SNX9: variants seen among roughly 807,000 people sequenced by gnomAD.
SNX9 encodes sorting nexin 9.
Under a neutral mutation model 89.4 loss-of-function variants are expected in SNX9, and 44 were observed. The ratio of observed to expected loss-of-function variants is 0.49; its 90% confidence interval spans 0.39 to 0.63. SNX9 has a LOEUF of 0.63. Among genes scored for constraint, SNX9 ranks in the 30% least tolerant of loss-of-function variants. SNX9 has a pLI of 0.00. For missense variants in SNX9, 578 were observed against 736.1 expected (o/e 0.79, Z 2.49); for synonymous variants, 236 against 247.8 (o/e 0.95, Z 0.45).
intron 1 of SNX9, among the ~76,000 whole-genome samples, chr6:157,826,927 G>A: frequency 1.1e-5 from 1 of 88,048 alleles, no homozygotes; most frequent in Non-Finnish European, 2.0e-5. Flanking sequence ...ATATATTATA[G>A]TTTATATAAT....
At chr6:157,833,231 T>C (rs1181523387) in intron 1 of SNX9, among the ~76,000 whole-genome samples, 1 of 152,204 alleles carries the variant, frequency 6.6e-6, no homozygotes, top group East Asian at 1.9e-4. Flanking sequence ...TTTTAGTTTG[T>C]TTTATAGTCT....
At chr6:157,831,145 A>G (rs1285774352) in intron 1 of SNX9, among the ~76,000 whole-genome samples, 1 of 152,222 alleles carries the variant, frequency 6.6e-6, no homozygotes, top group Non-Finnish European at 1.5e-5. Flanking sequence ...TAATCTCAGA[A>G]GTCTGATTCA....
intron 1 of SNX9, among the ~76,000 whole-genome samples, chr6:157,824,489 A>G (rs1167785379): frequency 6.6e-6 from 1 of 152,220 alleles, no homozygotes; most frequent in Non-Finnish European, 1.5e-5. Context: ...TCTCTGAGCT[A>G]CTTTTGGGTT....
chr6:157,920,059 C>G (rs768521987), intron 9 of SNX9, among the ~76,000 whole-genome samples: 8 of 152,134 alleles, frequency 5.3e-5, no homozygotes, highest in Non-Finnish European at 1.0e-4. Flanking sequence ...AGAGGTTGTA[C>G]CCAACCACCT....
chr6:157,928,634 A>T lies in SNX9; in HGVS notation c.1220A>T (p.Lys407Met), dbSNP rs1286781640. Residue 407 changes from lysine to methionine, a missense_variant, in exon 12 of 18, where the codon AAG becomes ATG. Physicochemically the swap from Lys to Met is moderately conservative, Grantham distance 95. This residue lies in a region of SNX9 where 348 missense variants were observed against 491.4 expected (regional missense o/e 0.71). Coordinates refer to ENST00000392185, the MANE Select transcript of SNX9 (RefSeq NM_016224.5). The stretch of plus-strand genomic sequence containing the variant: ...TGCGAGGCTGTGGGGAAGTTCACCA[A>T]GGCCATGGATGACGGCGTGAAGGAG... ...QKCEAVGKFT[K>M]AMDDGVKELL... The T allele has an allele frequency of 6.2e-7, 1 of 1,611,466 alleles. No individual in the cohort carries two copies. Among genetic ancestry groups the T allele is most frequent in the Non-Finnish European group, 8.5e-7 (1 of 1,178,966 alleles).
chr6:157,876,071 A>AT (rs200351981), intron 4 of SNX9, among the ~76,000 whole-genome samples: 4,771 of 150,418 alleles, frequency 0.032, 183 homozygotes, highest in African/African-American at 0.09. Flanking sequence ...TTATTTCTTG[A>AT]TTTTTTTTTT....
chr6:157,909,955 A>G lies in SNX9; in HGVS notation c.879A>G (p.Leu293=). Residue 293 remains leucine, a synonymous_variant, in exon 9 of 18, where the codon TTA becomes TTG. Transcript: ENST00000392185. ...VNHRYKHFDW[L]YERLLVKFGS... The stretch of plus-strand genomic sequence containing the variant: ...ACAGGTATAAGCACTTTGACTGGTT[A>G]TATGAGCGTCTCCTGGTTAAGTTTG... 6.2e-7 allele frequency: 1 copy of G among 1,614,214 alleles called. No homozygotes were observed. The highest frequency in any genetic ancestry group is 2.2e-5 in the East Asian group (1 of 44,884).
intron 1 of SNX9, among the ~76,000 whole-genome samples, chr6:157,824,260 C>T (rs972170949): frequency 6.6e-6 from 1 of 152,194 alleles, no homozygotes; most frequent in African/African-American, 2.4e-5. Flanking sequence ...AGCCACCCTC[C>T]CCCGCTCCTT....
intron 17 of SNX9, among the ~76,000 whole-genome samples, chr6:157,942,526 G>A (rs1784061336): frequency 6.6e-6 from 1 of 152,232 alleles, no homozygotes; most frequent in Admixed American, 6.5e-5. Flanking sequence ...GTCTGGAAGC[G>A]CCGCTAGGGC....
chr6:157,940,247 A>C (rs534745452), intron 16 of SNX9, among the ~76,000 whole-genome samples: 1 of 152,354 alleles, frequency 6.6e-6, no homozygotes, highest in Admixed American at 6.5e-5. Flanking sequence ...AGAGGCTTTG[A>C]ACTGCAGTCA....
intron 1 of SNX9, among the ~76,000 whole-genome samples, chr6:157,846,417 G>A (rs9347695): frequency 0.29 from 44,289 of 152,102 alleles, 7,476 homozygotes; most frequent in African/African-American, 0.47. Context: ...AAAATAAATC[G>A]TAGTTAAGAA....
At chr6:157,845,258 G>A (rs1312020979) in intron 1 of SNX9, among the ~76,000 whole-genome samples, 1 of 151,906 alleles carries the variant, frequency 6.6e-6, no homozygotes, top group East Asian at 1.9e-4. Context: ...ACAGGCACCC[G>A]CTACCATGCC....
intron 4 of SNX9, among the ~76,000 whole-genome samples, chr6:157,875,675 G>T (rs1390572444): frequency 6.6e-6 from 1 of 152,198 alleles, no homozygotes; most frequent in African/African-American, 2.4e-5. Context: ...TACTCTTATT[G>T]TATTGCTTCC....
In SNX9 at chr6:157,909,874, A is replaced by AT; in HGVS notation, c.832-32dup. On this transcript the variant is annotated intron_variant, in intron 8 of 17. Coordinates refer to ENST00000392185, the MANE Select transcript of SNX9 (RefSeq NM_016224.5). ...TTTTTCTTCATTTTCTAGAGTTGGCATTGGTAACCTTTTCTCTTTCCCTTA... is the reference window on the plus strand; with the variant it reads ...TTTTTCTTCATTTTCTAGAGTTGGCATTTGGTAACCTTTTCTCTTTCCCTTA... 1.9e-6 allele frequency: 3 copies of AT among 1,611,854 alleles called. No homozygotes were observed. The South Asian group carries it at 3.3e-5, about 18-fold the overall frequency.
chr6:157,844,795 G>A (rs560696193), intron 1 of SNX9, among the ~76,000 whole-genome samples: 11 of 151,904 alleles, frequency 7.2e-5, no homozygotes, highest in South Asian at 6.3e-4. Context: ...GCATTTCACC[G>A]TGTTGGTCAG....
At chr6:157,859,513 A>G (rs1188150610) in intron 1 of SNX9, among the ~76,000 whole-genome samples, 1 of 152,232 alleles carries the variant, frequency 6.6e-6, no homozygotes, top group Non-Finnish European at 1.5e-5. Flanking sequence ...ATATTGGGGT[A>G]GCATTCCTTA....
intron 12 of SNX9, among the ~76,000 whole-genome samples, chr6:157,929,887 A>T (rs929586674): frequency 6.6e-5 from 10 of 152,248 alleles, no homozygotes; most frequent in African/African-American, 2.4e-4. Context: ...CCAAAGCCTT[A>T]CATCAGGAGT....
At chr6:157,846,645 C>T (rs138188760) in intron 1 of SNX9, among the ~76,000 whole-genome samples, 2 of 152,180 alleles carry the variant, frequency 1.3e-5, no homozygotes, top group Non-Finnish European at 1.5e-5. Flanking sequence ...TCTAGGCTGA[C>T]CCTGTCATTT....
In SNX9 at chr6:157,938,690, C is replaced by T. The variant is rs777198032; in HGVS notation, c.1591C>T (p.Leu531=). The T allele has an allele frequency of 1.2e-6, 2 of 1,614,008 alleles. No individual in the cohort carries two copies. ...DKLVATSKIT[L]QDKQNMVKRV... ...ACTAGTTGCAACAAGTAAAATCACCCTACAAGACAAACAGAACATGGTGAA... is the reference window on the plus strand; with the variant it reads ...ACTAGTTGCAACAAGTAAAATCACCTTACAAGACAAACAGAACATGGTGAA... Residue 531 remains leucine, a synonymous_variant, in exon 16 of 18, where the codon CTA becomes TTA. Transcript: ENST00000392185.
Sources: gnomAD v4.1 joint callset for allele counts (sites outside exome capture counted in the v4.1 genomes callset) on GRCh38, gnomAD v4.1.1 for gene constraint, gnomAD v4.1.1 regional missense constraint, MANE v1.5 for transcripts, NCBI Gene and HGNC (gene_info 2026-07-23, HGNC 2026-07-21) for gene names.